Variants in PCDHGB3 observed in about 807,000 individuals in gnomAD.
The protein encoded by PCDHGB3 is protocadherin gamma subfamily B, 3.
In PCDHGB3, 40 loss-of-function variants were observed where a neutral mutation model predicts 59.2. The ratio of observed to expected loss-of-function variants is 0.68; its 90% CI spans 0.52 to 0.88. The LOEUF (loss-of-function observed/expected upper bound fraction) is 0.88, where lower values mean the gene tolerates loss of function less well. PCDHGB3 is among the 40% of genes least tolerant of loss of function. PCDHGB3 has a pLI of 0.00. For synonymous variants in PCDHGB3, 581 were observed against 503.6 expected (o/e 1.15, Z -2.06); for missense variants, 1,309 against 1,187.9 (o/e 1.10, Z -1.50).
intron 1 of PCDHGB3, chr5:141,376,394 C>T (rs1772639427): frequency 3.1e-6 from 5 of 1,614,110 alleles, no homozygotes; most frequent in South Asian, 1.1e-5. Context: ...TCTGATTTTC[C>T]CCCAGCCCAA....
At chr5:141,499,323 GCTCT>G (rs1259902316) in intron 2 of PCDHGB3, among the ~76,000 whole-genome samples, 1 of 152,046 alleles carries the variant, frequency 6.6e-6, no homozygotes, top group East Asian at 1.9e-4. Context: ...CAGTATCCCT[GCTCT>G]CTCTCAGTTT....
intron 1 of PCDHGB3, chr5:141,479,437 C>G (rs2099496053): frequency 6.6e-6 from 1 of 152,224 alleles, no homozygotes; most frequent in Admixed American, 6.5e-5. Flanking sequence ...AATCCACTGT[C>G]TGCACTAAGT....
intron 1 of PCDHGB3, among the ~76,000 whole-genome samples, chr5:141,437,421 T>G (rs971034611): frequency 1.2e-4 from 19 of 152,238 alleles, no homozygotes; most frequent in African/African-American, 4.6e-4. Flanking sequence ...TTATGCTTTT[T>G]GAAGCAGCAA....
chr5:141,425,426 A>T (rs1227154364), intron 1 of PCDHGB3, among the ~76,000 whole-genome samples: 1 of 152,236 alleles, frequency 6.6e-6, no homozygotes, highest in African/African-American at 2.4e-5. Flanking sequence ...AGTCCCATTA[A>T]ATAGAGGATA....
chr5:141,446,622 G>A (rs1338969669), intron 1 of PCDHGB3, among the ~76,000 whole-genome samples: 13 of 152,044 alleles, frequency 8.6e-5, no homozygotes, highest in East Asian at 1.9e-4. Flanking sequence ...GACTACAGGC[G>A]TGCACCACCA....
chr5:141,447,954 C>T (rs927510517), intron 1 of PCDHGB3, among the ~76,000 whole-genome samples: 11 of 151,814 alleles, frequency 7.2e-5, no homozygotes, highest in Non-Finnish European at 1.2e-4. Flanking sequence ...GGCATGGTGG[C>T]GGACACCTAT....
At chr5:141,410,535 A>T (rs2095405545) in intron 1 of PCDHGB3, 9 of 1,613,752 alleles carry the variant, frequency 5.6e-6, no homozygotes, top group Non-Finnish European at 7.6e-6. Context: ...TCCAATGAAG[A>T]CATGGTTTGC....
At chr5:141,504,961 G>A (rs995382728) in intron 2 of PCDHGB3, among the ~76,000 whole-genome samples, 2 of 151,928 alleles carry the variant, frequency 1.3e-5, no homozygotes, top group Non-Finnish European at 2.9e-5. Flanking sequence ...TCAATGCATT[G>A]GACCAGCCTG....
chr5:141,377,109 G>A (rs1437857373), intron 1 of PCDHGB3: 2 of 152,368 alleles, frequency 1.3e-5, no homozygotes, highest in Admixed American at 1.3e-4. Flanking sequence ...TCAAAAGAAT[G>A]TTCTGAAGTC....
intron 1 of PCDHGB3, chr5:141,422,190 A>G (rs761351024): frequency 6.4e-7 from 1 of 1,561,412 alleles, no homozygotes. Flanking sequence ...TGGAAATTCA[A>G]GGCCAAGATG....
chr5:141,410,849 C>CTTTTTTTTTGTTTTTTTT (rs2095433801), intron 1 of PCDHGB3: 1 of 129,786 alleles, frequency 7.7e-6, no homozygotes, highest in African/African-American at 6.0e-5. Context: ...TTGTCTTTGT[C>CTTTTTTTTTGTTTTTTTT]TTTTTTTTTT....
intron 1 of PCDHGB3, among the ~76,000 whole-genome samples, chr5:141,481,761 G>A (rs984825493): frequency 2.6e-5 from 4 of 152,234 alleles, no homozygotes; most frequent in Non-Finnish European, 2.9e-5. Context: ...AGACCAGCCT[G>A]GCCAACATGG....
intron 1 of PCDHGB3, chr5:141,428,680 G>T: frequency 6.1e-6 from 1 of 162,778 alleles, no homozygotes; most frequent in Admixed American, 5.8e-5. Context: ...ATTTACAAAT[G>T]GATGAGGTTT....
In PCDHGB3 at chr5:141,371,441, G is replaced by C; in HGVS notation, c.1047G>C (p.Leu349=). 2 of 1,613,958 alleles carry C rather than the reference G, an allele frequency of 1.2e-6. No homozygotes were observed. The highest frequency in any genetic ancestry group is 1.7e-6 in the Non-Finnish European group (2 of 1,179,858). The change falls in exon 1 of 4, where the codon CTG becomes CTC. Residue 349 remains leucine, a synonymous_variant. Coordinates refer to ENST00000576222, the MANE Select transcript of PCDHGB3 (RefSeq NM_018924.5). ...DENDNAPEIT[L]ASESQHIQED... ...ATGACAATGCCCCGGAGATAACCCT[G>C]GCTTCTGAATCCCAACATATACAAG...
chr5:141,439,800 T>C (rs1393580217), intron 1 of PCDHGB3: 1 of 152,300 alleles, frequency 6.6e-6, no homozygotes, highest in Admixed American at 6.5e-5. Context: ...CAAGAAGAGT[T>C]TGAAAAGGGG....
Position 141,477,650 on chromosome 5 carries a change from A to C in PCDHGB3, c.2416-17157A>C. The C allele has an allele frequency of 6.2e-7, 1 of 1,614,210 alleles. No homozygotes were observed. Among genetic ancestry groups the C allele is most frequent in the Non-Finnish European group, 8.5e-7 (1 of 1,180,036 alleles). On this transcript the variant is annotated intron_variant, in intron 1 of 3. Coordinates refer to ENST00000576222, the MANE Select transcript of PCDHGB3 (RefSeq NM_018924.5). The surrounding 1 kb of genome is among the most constrained non-coding windows in gnomAD (Gnocchi z 4.9). The stretch of plus-strand genomic sequence containing the variant: ...CGGGCTAGTGGGTCGCTATTTCACA[A>C]TAAATCGTGACAATGGCATAGTGTC...
At chr5:141,450,675 C>T (rs377412699) in intron 1 of PCDHGB3, among the ~76,000 whole-genome samples, 3 of 151,614 alleles carry the variant, frequency 2.0e-5, no homozygotes, top group South Asian at 4.2e-4. Flanking sequence ...TTAGTAGAAA[C>T]GGGGTTTTGC....
intron 1 of PCDHGB3, chr5:141,396,749 A>G (rs944470602): frequency 1.3e-5 from 2 of 152,368 alleles, no homozygotes; most frequent in African/African-American, 4.8e-5. Flanking sequence ...GTAGAAGTAG[A>G]TGACCCAATA....
intron 1 of PCDHGB3, chr5:141,422,581 G>A (rs1223117895): frequency 3.7e-6 from 6 of 1,613,984 alleles, no homozygotes; most frequent in Non-Finnish European, 4.2e-6. Flanking sequence ...TAACCCTCCC[G>A]TTTTTCCTCA....
Sources: allele counts gnomAD v4.1 joint callset (sites outside exome capture counted in the v4.1 genomes callset), GRCh38; gene constraint gnomAD v4.1.1; non-coding constraint Gnocchi (gnomAD v3.1); transcripts MANE v1.5; gene names NCBI Gene and HGNC (gene_info 2026-07-23, HGNC 2026-07-21).